LRGUK: variants seen among roughly 807,000 people sequenced by gnomAD.
LRGUK encodes leucine rich repeats and guanylate kinase domain containing.
Under a neutral mutation model 76.0 loss-of-function variants are expected in LRGUK, and 65 were observed. The ratio of observed to expected loss-of-function variants is 0.85; its 90% CI spans 0.70 to 1.05. The LOEUF (loss-of-function observed/expected upper bound fraction) is 1.05, where lower values mean the gene tolerates loss of function less well. LRGUK is among the 50% of genes least tolerant of loss of function. The pLI is 0.00. For missense variants in LRGUK, 758 were observed against 732.8 expected (o/e 1.03, Z -0.40); for synonymous variants, 268 against 265.6 (o/e 1.01, Z -0.09).
At chr7:134,146,943 TA>T (rs56187225) in intron 4 of LRGUK, among the ~76,000 whole-genome samples, 19,673 of 152,168 alleles carry the variant, frequency 0.13, 1,611 homozygotes, top group East Asian at 0.32. Context: ...TTTCTTTCCT[TA>T]AAAAAACTTT....
chr7:134,182,080 T>TA (rs746654324), intron 10 of LRGUK, among the ~76,000 whole-genome samples: 2 of 152,218 alleles, frequency 1.3e-5, no homozygotes, highest in Non-Finnish European at 2.9e-5. Context: ...TTCAAACATG[T>TA]AATATAAATA....
intron 15 of LRGUK, among the ~76,000 whole-genome samples, chr7:134,202,078 G>A (rs1286387691): frequency 6.6e-6 from 1 of 152,102 alleles, no homozygotes; most frequent in Non-Finnish European, 1.5e-5. Context: ...CTCCTTCGCT[G>A]TTCGGAGCTT....
exon 2 of LRGUK, chr7:134,137,128 T>C: frequency 1.2e-6 from 2 of 1,606,166 alleles, no homozygotes; most frequent in Non-Finnish European, 1.7e-6. Flanking sequence ...TCTAACTTTA[T>C]CAGTGAGTAT....
chr7:134,266,152 TC>T, downstream of LRGUK, among the ~76,000 whole-genome samples: 1 of 152,182 alleles, frequency 6.6e-6, no homozygotes, highest in Non-Finnish European at 1.5e-5. Context: ...GTCAGAAACG[TC>T]CTACTGAGAC....
At chr7:134,142,560 C>T (rs1797808391) in intron 3 of LRGUK, among the ~76,000 whole-genome samples, 1 of 152,004 alleles carries the variant, frequency 6.6e-6, no homozygotes. Context: ...ATAGTTAATG[C>T]GATCTAGTGG....
intron 1 of LRGUK, 116 bp downstream of exon 1, chr7:134,127,780 C>T (rs1458627002): frequency 2.5e-6 from 3 of 1,210,118 alleles, no homozygotes; most frequent in East Asian, 2.6e-5. Context: ...TTCTCAGGCT[C>T]TCTCGCCTCC....
chr7:134,250,895 C>T (rs557575195), intron 18 of LRGUK, among the ~76,000 whole-genome samples: 1 of 152,320 alleles, frequency 6.6e-6, no homozygotes, highest in Admixed American at 6.5e-5. Flanking sequence ...TGGCTCAAGT[C>T]TCACACTTCA....
At chr7:134,263,983 C>G in exon 20 of LRGUK, 1 of 1,602,590 alleles carries the variant, frequency 6.2e-7, no homozygotes, top group Non-Finnish European at 8.5e-7. Flanking sequence ...TAGACTAGCA[C>G]TTGATGTCTG....
In LRGUK at chr7:134,161,716, A is replaced by T. The variant is rs1209498238; in HGVS notation, c.796-1681A>T. On this transcript the variant is annotated intron_variant, in intron 6 of 15. Coordinates refer to ENST00000645682, the Ensembl canonical transcript of LRGUK. Reference sequence around the variant, plus strand: ...TTTTTTTTTTTTTTTTTTGAGACGGAGTCTCGCTCTGTTGCCCAGGCTGGA... The same window carrying T: ...TTTTTTTTTTTTTTTTTTGAGACGGTGTCTCGCTCTGTTGCCCAGGCTGGA... Among the ~76,000 whole-genome samples the T allele has an allele frequency of 1.6e-4, 20 of 127,138 alleles. No individual in the cohort carries two copies. The Admixed American group carries it at 1.8e-3, about 12-fold the overall frequency. The allele number at this position is 127,138 out of a possible 152,430, so 83.4% of individuals were successfully genotyped here.
intron 16 of LRGUK, among the ~76,000 whole-genome samples, chr7:134,222,734 G>C (rs935723136): frequency 4.6e-5 from 7 of 151,802 alleles, no homozygotes; most frequent in African/African-American, 1.7e-4. Flanking sequence ...TCAGCCTCCC[G>C]AGTAGCTGGG....
At chr7:134,263,091 C>A (rs1277596556) in intron 19 of LRGUK, among the ~76,000 whole-genome samples, 2 of 151,518 alleles carry the variant, frequency 1.3e-5, no homozygotes, top group African/African-American at 4.9e-5. Context: ...TCAATGTTCC[C>A]TTTGACTTTT....
At chr7:134,160,743 G>GT (rs1370392050) in intron 6 of LRGUK, among the ~76,000 whole-genome samples, 1 of 152,062 alleles carries the variant, frequency 6.6e-6, no homozygotes, top group Non-Finnish European at 1.5e-5. Flanking sequence ...AATGCTGCTT[G>GT]TTTTTTTCTT....
Position 134,221,768 on chromosome 7 carries a change from T to C in LRGUK, c.1844-11T>C, listed in dbSNP as rs1036292025. ...ACTTTTATTTTAAACTTTATTTTTT[T>C]TTCCTACCAGATGTTAAGACATCCC... On this transcript the variant is annotated splice_polypyrimidine_tract_variant and intron_variant, in intron 15 of 19. Transcript: ENST00000285928. 1 of 1,471,326 alleles carries C rather than the reference T, an allele frequency of 6.8e-7. No homozygotes were observed. 91.1% of individuals were successfully genotyped at this position (1,471,326 alleles called of 1,614,324 possible).
chr7:134,275,662 A>G, the LRGUK span, among the ~76,000 whole-genome samples: 4 of 152,046 alleles, frequency 2.6e-5, no homozygotes, highest in Admixed American at 6.6e-5. Flanking sequence ...GTTGTCTTTC[A>G]CCCCCTTGAT....
At chr7:134,257,715 A>C (rs1730005979) in intron 18 of LRGUK, among the ~76,000 whole-genome samples, 1 of 151,932 alleles carries the variant, frequency 6.6e-6, no homozygotes, top group South Asian at 2.1e-4. Flanking sequence ...GAAGCGGGGG[A>C]ATCACTTGAA....
the LRGUK span, among the ~76,000 whole-genome samples, chr7:134,272,163 T>C: frequency 6.6e-6 from 1 of 152,178 alleles, no homozygotes; most frequent in Non-Finnish European, 1.5e-5. Context: ...ATAAACTTCT[T>C]TGGAAAAAGA....
intron 8 of LRGUK, among the ~76,000 whole-genome samples, chr7:134,176,493 C>T (rs1799485972): frequency 6.6e-6 from 1 of 152,132 alleles, no homozygotes; most frequent in Non-Finnish European, 1.5e-5. Flanking sequence ...CATTCTGCTG[C>T]CTCAGCCTCC....
chr7:134,145,632 T>C (rs16874415), intron 4 of LRGUK, among the ~76,000 whole-genome samples: 19,730 of 152,188 alleles, frequency 0.13, 1,623 homozygotes, highest in East Asian at 0.32. Context: ...GCATGAAAGG[T>C]TAGGTAACTA....
In LRGUK at chr7:134,194,587, A is replaced by G. The variant is rs553031971; in HGVS notation, c.1432-2405A>G. ...TGAGACCCTATCTCTTCAAAAAATA[A>G]AGAATTAGCCTGGTGTAGGGGTTCA... On this transcript the variant is annotated intron_variant, in intron 12 of 15. Transcript: ENST00000645682. Among the ~76,000 whole-genome samples the G allele has an allele frequency of 2.6e-5, 4 of 152,166 alleles. No homozygotes were observed. The South Asian group carries it at 8.3e-4, about 32-fold the overall frequency.
Sources: allele counts gnomAD v4.1 joint callset (sites outside exome capture counted in the v4.1 genomes callset), GRCh38; gene constraint gnomAD v4.1.1; transcripts MANE v1.5; gene names NCBI Gene and HGNC (gene_info 2026-07-23, HGNC 2026-07-21).